EIF4G3: variants seen among roughly 807,000 people sequenced by gnomAD.
The protein encoded by EIF4G3 is eIF-4-gamma 3.
EIF4G3 carries 34 observed loss-of-function variants against 186.4 expected under a neutral mutation model. The ratio of observed to expected loss-of-function variants is 0.18; its 90% CI spans 0.14 to 0.24. The LOEUF (loss-of-function observed/expected upper bound fraction) is 0.24, where lower values mean the gene tolerates loss of function less well. EIF4G3 is among the 10% of genes least tolerant of loss of function. EIF4G3 has a pLI of 1.00. For synonymous variants in EIF4G3, 673 were observed against 679.5 expected, an observed-to-expected ratio of 0.99 and a Z score of 0.15; for missense variants, 1,536 against 1,948.5, an observed-to-expected ratio of 0.79 and a Z score of 3.99.
intron 30 of EIF4G3, among the ~76,000 whole-genome samples, chr1:20,833,535 C>T (rs928235083): frequency 6.6e-6 from 1 of 152,140 alleles, no homozygotes; most frequent in African/African-American, 2.4e-5. Context: ...TCTAGATATA[C>T]AATCATGTCG....
chr1:20,831,297 T>G (rs1290963385), intron 30 of EIF4G3, among the ~76,000 whole-genome samples: 1 of 151,046 alleles, frequency 6.6e-6, no homozygotes, highest in African/African-American at 2.4e-5. Context: ...TTTTTTTTTT[T>G]GAGAAAGCCT....
In EIF4G3 at chr1:20,954,534, CAAAA is replaced by C. The variant is rs35942587; in HGVS notation, c.715-4427_715-4424del. On this transcript the variant is annotated intron_variant, in intron 12 of 36. Transcript: ENST00000602326. ...CTGGCGAGAGAGTCAGACCCCGTCT[CAAAA>C]AAAAAAAAAAAAAAAAAAAAAGAAG... Among the ~76,000 whole-genome samples, 3 of 49,338 alleles carry C rather than the reference CAAAA, an allele frequency of 6.1e-5. No individual in the cohort carries two copies. The South Asian group carries it at 2.8e-3, about 47-fold the overall frequency. The allele number at this position is 49,338 out of a possible 152,430, so 32.4% of individuals were successfully genotyped here.
chr1:21,093,228 T>G (rs901125341), intron 2 of EIF4G3, among the ~76,000 whole-genome samples: 21 of 152,106 alleles, frequency 1.4e-4, no homozygotes, highest in Non-Finnish European at 3.1e-4. Flanking sequence ...ATCCAGAATC[T>G]ACAAAGAACT....
chr1:20,886,273 C>A lies in EIF4G3; in HGVS notation c.2352G>T (p.Lys784Asn), dbSNP rs763831589. ...GGCTTGGCTTCCAGGCATTTTCTGC[C>A]TTTTTCAGGTGTACATCTTCTTTTA... Reference protein sequence around the residue: ...VSVKEDVHLKKAENAWKPSQK... With the variant: ...VSVKEDVHLKNAENAWKPSQK... The change falls in exon 19 of 37, where the codon AAG (lysine) becomes AAT (asparagine). Residue 784 changes from lysine to asparagine, a missense_variant. Around this residue, in one of 11 missense-constraint regions of EIF4G3, gnomAD observed 139 missense variants for 192.8 expected, o/e 0.72. Coordinates refer to ENST00000602326, the MANE Select transcript of EIF4G3 (RefSeq NM_001391906.1). 1 of 1,613,978 alleles carries A rather than the reference C, an allele frequency of 6.2e-7. No individual in the cohort carries two copies. Among genetic ancestry groups the A allele is most frequent in the Non-Finnish European group, 8.5e-7 (1 of 1,179,962 alleles).
chr1:20,895,932 T>A (rs7517473), intron 16 of EIF4G3, among the ~76,000 whole-genome samples: 143,844 of 152,242 alleles, frequency 0.94, 68,465 homozygotes, highest in Middle Eastern at 1. Context: ...CCTTCAGGAA[T>A]TATTCCAGAG....
chr1:20,972,006 G>A (rs1356656204), intron 11 of EIF4G3, among the ~76,000 whole-genome samples: 1 of 152,028 alleles, frequency 6.6e-6, no homozygotes, highest in Non-Finnish European at 1.5e-5. Flanking sequence ...TATCTTACTC[G>A]TGTGAATGTG....
intron 20 of EIF4G3, among the ~76,000 whole-genome samples, chr1:20,877,497 A>G (rs1021112195): frequency 6.6e-6 from 1 of 152,240 alleles, no homozygotes; most frequent in Non-Finnish European, 1.5e-5. Flanking sequence ...ATTAAAAATA[A>G]TATGTATATA....
Position 20,879,556 on chromosome 1 carries a change from T to TA in EIF4G3, c.2425-37dup, listed in dbSNP as rs527986886. 6.2e-3 allele frequency: 7,959 copies of TA among 1,273,682 alleles called. 27 individuals are homozygous for TA. The highest frequency in any genetic ancestry group is 7.5e-3 in the Non-Finnish European group (7,316 of 969,660). 78.9% of individuals were successfully genotyped at this position (1,273,682 alleles called of 1,614,324 possible). ...CACAAAAAAGAAAAAAGCATTAGAG[T>TA]AACTGTGACAATATGGTGCTTTCTG... On this transcript the variant is annotated intron_variant, in intron 19 of 36. Coordinates refer to ENST00000602326, the MANE Select transcript of EIF4G3 (RefSeq NM_001391906.1).
At chr1:20,970,024 C>A (rs1238763153) in intron 11 of EIF4G3, among the ~76,000 whole-genome samples, 2 of 151,844 alleles carry the variant, frequency 1.3e-5, no homozygotes, top group African/African-American at 4.8e-5. Flanking sequence ...AGTGCAGTGG[C>A]GCAATCTCGG....
chr1:21,160,241 A>C (rs1045267184), intron 2 of EIF4G3, among the ~76,000 whole-genome samples: 2 of 152,190 alleles, frequency 1.3e-5, no homozygotes, highest in African/African-American at 4.8e-5. Flanking sequence ...AACCCATAAA[A>C]TAAAATATAT....
Position 20,899,859 on chromosome 1 carries a change from C to T in EIF4G3, c.1837G>A (p.Asp613Asn). 6.2e-7 allele frequency: 1 copy of T among 1,614,092 alleles called. No homozygotes were observed. Among genetic ancestry groups the T allele is most frequent in the South Asian group, 1.1e-5 (1 of 91,080 alleles). ...KMSQGFHPER[D>N]PSDLKKVKAV... ...TTCACTTTTTTTAGGTCAGAGGGGT[C>T]TCTTTCAGGATGAAACCCCTGGCTC... Residue 613 changes from aspartate to asparagine, a missense_variant, in exon 16 of 37, where the codon GAC becomes AAC. This residue lies in a region of EIF4G3 where 560 missense variants were observed against 547.8 expected (regional missense o/e 1.02). Transcript: ENST00000602326.
chr1:21,091,194 G>C (rs1029216673), intron 2 of EIF4G3, among the ~76,000 whole-genome samples: 2 of 151,866 alleles, frequency 1.3e-5, no homozygotes, highest in Non-Finnish European at 2.9e-5. Flanking sequence ...ACCCAGGCTG[G>C]AGTTCAGTGG....
chr1:20,947,398 T>C (rs976673914), intron 13 of EIF4G3, among the ~76,000 whole-genome samples: 16 of 151,318 alleles, frequency 1.1e-4, no homozygotes, highest in African/African-American at 3.9e-4. Flanking sequence ...AAAACCATTT[T>C]CTCTGAAAAA....
At chr1:21,007,370 C>G (rs574011633) in intron 4 of EIF4G3, among the ~76,000 whole-genome samples, 1 of 151,826 alleles carries the variant, frequency 6.6e-6, no homozygotes, top group Admixed American at 6.6e-5. Context: ...TGCAATCCAA[C>G]CTAGATGATA....
At chr1:20,910,013 G>A (rs958976605) in intron 14 of EIF4G3, among the ~76,000 whole-genome samples, 1 of 151,886 alleles carries the variant, frequency 6.6e-6, no homozygotes, top group Non-Finnish European at 1.5e-5. Context: ...AAACTCCTGG[G>A]CTCAAGTGAT....
At chr1:21,037,657 G>A (rs1186101470) in intron 4 of EIF4G3, among the ~76,000 whole-genome samples, 1 of 152,142 alleles carries the variant, frequency 6.6e-6, no homozygotes, top group Non-Finnish European at 1.5e-5. Flanking sequence ...TTTAGCTACT[G>A]AACAGAAATG....
At chr1:20,853,795 C>T (rs563315596) in intron 26 of EIF4G3, 118 bp from the exon 27 acceptor site, 12 of 695,334 alleles carry the variant, frequency 1.7e-5, no homozygotes, top group African/African-American at 3.6e-5. Flanking sequence ...GCTTAGGTGA[C>T]GCCCATCTCC....
intron 2 of EIF4G3, among the ~76,000 whole-genome samples, chr1:21,173,198 T>C (rs1225950148): frequency 6.8e-6 from 1 of 147,824 alleles, no homozygotes; most frequent in African/African-American, 2.5e-5. Context: ...TAGAAGACCT[T>C]TGATTTTGTT....
chr1:20,955,185 G>C (rs568127530), intron 12 of EIF4G3, among the ~76,000 whole-genome samples: 4 of 152,154 alleles, frequency 2.6e-5, no homozygotes, highest in African/African-American at 9.6e-5. Flanking sequence ...GGCAAGCCAG[G>C]GCCAGGTTTT....
Sources: gnomAD v4.1 joint callset for allele counts (sites outside exome capture counted in the v4.1 genomes callset) on GRCh38, gnomAD v4.1.1 for gene constraint, gnomAD v4.1.1 regional missense constraint, MANE v1.5 for transcripts, NCBI Gene and HGNC (gene_info 2026-07-23, HGNC 2026-07-21) for gene names.